The following ZNF426 variants were observed in gnomAD, a reference collection of about 807,000 sequenced individuals.
The protein encoded by ZNF426 is CTC-543D15.7.
ZNF426 carries 23 observed loss-of-function variants against 24.0 expected under a neutral mutation model. The ratio of observed to expected loss-of-function variants is 0.96; its 90% CI spans 0.69 to 1.36. The LOEUF (loss-of-function observed/expected upper bound fraction) is 1.36. Ranked by LOEUF, ZNF426 falls within the 40% of genes most tolerant of loss-of-function variation. The pLI is 0.00. For missense variants in ZNF426, 646 were observed against 658.4 expected (o/e 0.98, Z 0.21); for synonymous variants, 272 against 224.6 (o/e 1.21, Z -1.89).
At position 9,535,447 on chromosome 19, in the gene ZNF426, G is replaced by A. The variant is rs139470670; in HGVS notation, c.26-168C>T. Among the ~76,000 whole-genome samples the A allele has an allele frequency of 2.5e-3, 384 of 152,202 alleles. 2 individuals are homozygous for A. Among genetic ancestry groups the A allele is most frequent in the African/African-American group, 9.0e-3 (374 of 41,512 alleles). ...TCACATCTGTAATCCTAGTGCTCTG[G>A]GAGGTTGAGGTGGAAGGATTACTTT... On this transcript the variant is annotated intron_variant, in intron 3 of 7. Transcript: ENST00000253115.
rs186677706 is a variant in ZNF426 at position 9,530,092 on chromosome 19, G to A, written c.409-456C>T. Among the ~76,000 whole-genome samples the A allele has an allele frequency of 1.0e-3, 155 of 152,222 alleles. 1 individual carries two copies. The highest frequency in any genetic ancestry group is 3.7e-3 in the African/African-American group (153 of 41,516). ...CCCAAGATCACACCACTGCACTCTA[G>A]CCTGGGCAACAAAGCGAGACTCCGT... On this transcript the variant is annotated intron_variant, in intron 7 of 7. Transcript: ENST00000253115.
chr19:9,536,478 A>G (rs1284040141), intron 2 of ZNF426, 122 bp from the exon 3 acceptor site: 2 of 914,056 alleles, frequency 2.2e-6, no homozygotes, highest in Non-Finnish European at 3.2e-6. Flanking sequence ...GGGTGGGAGG[A>G]CTGCTTCAGC....
At chr19:9,532,767 T>C (rs557436808) in intron 6 of ZNF426, 78 bp downstream of exon 6, 5 of 1,055,406 alleles carry the variant, frequency 4.7e-6, no homozygotes, top group East Asian at 4.8e-5. Context: ...AGAAAGTACA[T>C]GTTAAAAAGT....
At position 9,528,587 on chromosome 19, in the gene ZNF426, A is replaced by C; in HGVS notation, c.1458T>G (p.Ser486Arg). 1 of 1,613,962 alleles carries C rather than the reference A, an allele frequency of 6.2e-7. No homozygotes were observed. The highest frequency in any genetic ancestry group is 8.5e-7 in the Non-Finnish European group (1 of 1,179,984). Residue 486 changes from serine to arginine, a missense_variant, in exon 8 of 8, where the codon AGT (serine) becomes AGG (arginine). Ser to Arg is a moderately radical substitution (Grantham distance 110). Coordinates refer to ENST00000253115, the MANE Select transcript of ZNF426 (RefSeq NM_024106.3). ...CATGTATTTGAAATGAACTGGAATG[A>C]CTGAAGGCCTTTCCACATTGTTTAC... ...YECKQCGKAF[S>R]HSSSFQIHER...
rs1253372222 is a variant in ZNF426, at chr19:9,527,037, GTAA to G, written c.*1340_*1342del. On this transcript the variant is annotated 3_prime_UTR_variant, in exon 8 of 8. Coordinates refer to ENST00000253115, the MANE Select transcript of ZNF426 (RefSeq NM_024106.3). Reference sequence around the variant, plus strand: ...TTTATAGGCATAAAAGTGAAATATAGTAATGATGGAAGGTCTGAGAGGGAGGAT... The same window carrying G: ...TTTATAGGCATAAAAGTGAAATATAGTGATGGAAGGTCTGAGAGGGAGGAT... The G allele has an allele frequency of 1.3e-5, 2 of 152,154 alleles. No individual in the cohort carries two copies. The highest frequency in any genetic ancestry group is 2.9e-5 in the Non-Finnish European group (2 of 68,026). 9.4% of individuals were successfully genotyped at this position (152,154 alleles called of 1,614,324 possible). A position where few individuals can be genotyped will look rare whatever the true frequency, so the allele number is the denominator to read the frequency against.
chr19:9,531,489 A>T (rs1051997133), intron 6 of ZNF426, among the ~76,000 whole-genome samples: 1 of 152,182 alleles, frequency 6.6e-6, no homozygotes, highest in Non-Finnish European at 1.5e-5. Context: ...AAGCAGAAAG[A>T]CATTTGGGGA....
At chr19:9,533,050 T>A in intron 5 of ZNF426, 125 bp from the exon 6 acceptor site, 1 of 772,524 alleles carries the variant, frequency 1.3e-6, no homozygotes, top group Non-Finnish European at 2.1e-6. Flanking sequence ...AAAATGCAAA[T>A]AACAACTCTG....
At position 9,528,284 on chromosome 19, in the gene ZNF426, G is replaced by A; in HGVS notation, c.*96C>T. On this transcript the variant is annotated 3_prime_UTR_variant, in exon 8 of 8. Coordinates refer to ENST00000253115, the MANE Select transcript of ZNF426 (RefSeq NM_024106.3). ...ATTACAGGAATTAAGTAATTTTCAT[G>A]CAGCTTCTTCTCTCCAGAGTGAGTT... 1 of 1,275,840 alleles carries A rather than the reference G, an allele frequency of 7.8e-7. No homozygotes were observed. The highest frequency in any genetic ancestry group is 1.5e-5 in the African/African-American group (1 of 67,154). 79.0% of individuals were successfully genotyped at this position (1,275,840 alleles called of 1,614,324 possible).
rs1568486236 is a variant in ZNF426, at chr19:9,533,926, T to C, written c.158A>G (p.Gln53Arg). ...TGAGTCCAGTAAAGTCCACTCCTCC[T>C]GGGTGAAGTCCACAGCCACATCGTC... ...TFDDVAVDFT[Q>R]EEWTLLDSTQ... Residue 53 changes from glutamine to arginine, a missense_variant, in exon 5 of 8, where the codon CAG becomes CGG. Coordinates refer to ENST00000253115, the MANE Select transcript of ZNF426 (RefSeq NM_024106.3). 6.2e-7 allele frequency: 1 copy of C among 1,614,108 alleles called. No individual in the cohort carries two copies. Among genetic ancestry groups the C allele is most frequent in the East Asian group, 2.2e-5 (1 of 44,870 alleles).
intron 6 of ZNF426, among the ~76,000 whole-genome samples, chr19:9,532,358 G>T (rs940418648): frequency 1.4e-5 from 2 of 148,058 alleles, no homozygotes; most frequent in Non-Finnish European, 3.0e-5. Context: ...GTACAGTGGT[G>T]CAATCACATC....
intron 3 of ZNF426, among the ~76,000 whole-genome samples, chr19:9,535,617 G>A (rs996551941): frequency 1.3e-5 from 2 of 152,056 alleles, no homozygotes; most frequent in Non-Finnish European, 2.9e-5. Context: ...TTAAGCCTAG[G>A]AGTTCGAGAC....
Position 9,528,028 on chromosome 19 carries a change from G to A in ZNF426, c.*352C>T, listed in dbSNP as rs141686778. On this transcript the variant is annotated 3_prime_UTR_variant, in exon 8 of 8. Coordinates refer to ENST00000253115, the MANE Select transcript of ZNF426 (RefSeq NM_024106.3). ...TTTTGAGATGGAGTCTCACTCCATC[G>A]CCCAGGCTGGAGTGCAGTGGCATGA... 3.3e-3 allele frequency: 501 copies of A among 152,592 alleles called. 7 individuals are homozygous for A. Among genetic ancestry groups the A allele is most frequent in the African/African-American group, 0.012 (471 of 38,732 alleles). The allele number at this position is 152,592 out of a possible 1,614,324, so 9.5% of individuals were successfully genotyped here.
chr19:9,533,723 G>A (rs930409450), intron 5 of ZNF426, 117 bp downstream of exon 5: 8 of 1,410,942 alleles, frequency 5.7e-6, no homozygotes, highest in Non-Finnish European at 7.9e-6. Flanking sequence ...TTAGGACAGG[G>A]ACTATGTCTC....
chr19:9,535,277 G>A lies in ZNF426; in HGVS notation c.28C>T (p.His10Tyr). The change falls in exon 4 of 8, where the codon CAT (histidine) becomes TAT (tyrosine). Residue 10 changes from histidine to tyrosine, a missense_variant and splice_region_variant. Transcript: ENST00000253115. The part of the protein sequence containing the change: MAAADLSHG[H>Y]YLSGDPVCLH... ...CAAACTGGGTCCCCAGAAAGATAAT[G>A]TCCTGTAAGAAAATGAAGGCAAGAG... 4 of 1,612,166 alleles carry A rather than the reference G, an allele frequency of 2.5e-6. No homozygotes were observed. The South Asian group carries it at 4.4e-5, about 18-fold the overall frequency.
chr19:9,531,681 C>T (rs947072434), intron 6 of ZNF426, among the ~76,000 whole-genome samples: 3 of 151,954 alleles, frequency 2.0e-5, no homozygotes, highest in South Asian at 2.1e-4. Context: ...GAAAAAAGAG[C>T]GTATATCTAA....
rs1325935067 is a variant in ZNF426 at position 9,529,153 on chromosome 19, G to A, written c.892C>T (p.His298Tyr). ...GYRYPAYLSI[H>Y]MRTHTGEKPY... ...TTCTCCCCAGTGTGGGTTCGCATGT[G>A]AATACTGAGGTAGGCTGGGTATCTA... The change falls in exon 8 of 8, where the codon CAC (histidine) becomes TAC (tyrosine). Residue 298 changes from histidine (H) to tyrosine (Y), a missense_variant. Coordinates refer to ENST00000253115, the MANE Select transcript of ZNF426 (RefSeq NM_024106.3). The A allele has an allele frequency of 3.1e-6, 5 of 1,614,098 alleles. No individual in the cohort carries two copies. Among genetic ancestry groups the A allele is most frequent in the Non-Finnish European group, 4.2e-6 (5 of 1,180,058 alleles).
chr19:9,534,777 T>G (rs1278827633), intron 4 of ZNF426, among the ~76,000 whole-genome samples: 1 of 152,038 alleles, frequency 6.6e-6, no homozygotes, highest in Admixed American at 6.5e-5. Context: ...AAATTTTTTG[T>G]AGAGACGGGG....
At chr19:9,534,420 T>G (rs1366748411) in intron 4 of ZNF426, among the ~76,000 whole-genome samples, 1 of 152,118 alleles carries the variant, frequency 6.6e-6, no homozygotes, top group African/African-American at 2.4e-5. Flanking sequence ...CTGGCTAGGT[T>G]GGTCTCGAAC....
chr19:9,537,813 G>C (rs1325709466), intron 2 of ZNF426, among the ~76,000 whole-genome samples: 1 of 151,850 alleles, frequency 6.6e-6, no homozygotes, highest in African/African-American at 2.4e-5. Context: ...ACCACGCTCG[G>C]CTAATTTTTT....
Sources: allele counts gnomAD v4.1 joint callset (sites outside exome capture counted in the v4.1 genomes callset), GRCh38; gene constraint gnomAD v4.1.1; transcripts MANE v1.5; gene names NCBI Gene and HGNC (gene_info 2026-07-23, HGNC 2026-07-21).